Variants in CHD2 observed in about 807,000 individuals in gnomAD.
CHD2 encodes ATP-dependent chromatin remodeler CHD2.
In CHD2, 28 loss-of-function variants were observed where a neutral mutation model predicts 243.9. That is an observed-to-expected ratio of 0.11 (90% CI 0.09 to 0.16). The LOEUF (loss-of-function observed/expected upper bound fraction) is 0.16, where lower values mean the gene tolerates loss of function less well. CHD2 is among the 10% of genes least tolerant of loss of function. The pLI, the probability that CHD2 is intolerant of heterozygous loss-of-function variation, is 1.00. For synonymous variants in CHD2, 775 were observed against 779.0 expected (o/e 0.99, Z 0.09); for missense variants, 1,386 against 2,209.8 (o/e 0.63, Z 7.47).
Position 92,967,367 on chromosome 15 carries a change from G to T in CHD2, c.2043G>T (p.Gly681=). Residue 681 remains glycine (G), a synonymous_variant, in exon 17 of 39, where the codon GGG becomes GGT. Coordinates refer to ENST00000394196, the MANE Select transcript of CHD2 (RefSeq NM_001271.4). ...ATTTTGAAGAAGACCATGGGAAGGGGAGAGAAAATGGCTACCAGAGTCTTC... is the reference window on the plus strand; with the variant it reads ...ATTTTGAAGAAGACCATGGGAAGGGTAGAGAAAATGGCTACCAGAGTCTTC... ...WEDFEEDHGK[G]RENGYQSLHK... 8.1e-6 allele frequency: 13 copies of T among 1,612,802 alleles called. No individual in the cohort carries two copies. The highest frequency in any genetic ancestry group is 1.1e-5 in the Non-Finnish European group (13 of 1,179,086).
intron 38 of CHD2, chr15:93,020,918 G>A (rs906378529): frequency 6.5e-6 from 1 of 153,204 alleles, no homozygotes; most frequent in East Asian, 1.9e-4. Context: ...GGAAGATCTG[G>A]TAACAGCAGC....
rs2053779861 is a variant in CHD2 at position 92,967,416 on chromosome 15, C to T, written c.2092C>T (p.Leu698Phe). The change falls in exon 17 of 39, where the codon CTC becomes TTC. Residue 698 changes from leucine (L) to phenylalanine (F), a missense_variant. Coordinates refer to ENST00000394196, the MANE Select transcript of CHD2 (RefSeq NM_001271.4). ...TCATAAGGTGCTAGAGCCTTTCCTT[C>T]TCCGGAGAGTCAAAAAAGATGTGGA... ...SLHKVLEPFL[L>F]RRVKKDVEKS... 1.2e-6 allele frequency: 2 copies of T among 1,613,834 alleles called. No homozygotes were observed. The highest frequency in any genetic ancestry group is 1.7e-6 in the Non-Finnish European group (2 of 1,179,824).
chr15:92,925,631 G>A (rs1407601262), intron 3 of CHD2, among the ~76,000 whole-genome samples: 7 of 152,124 alleles, frequency 4.6e-5, no homozygotes, highest in Admixed American at 4.6e-4. Flanking sequence ...TGGATAGACA[G>A]GCTAGAGTAA....
intron 26 of CHD2, 35 bp from the exon 27 acceptor site, chr15:92,991,441 G>A (rs749862600): frequency 1.3e-6 from 2 of 1,522,970 alleles, no homozygotes; most frequent in African/African-American, 1.4e-5. Flanking sequence ...GTAAGTCTCT[G>A]TTTTTTTAAT....
chr15:92,927,686 G>A (rs535386287), intron 4 of CHD2, among the ~76,000 whole-genome samples: 9 of 152,230 alleles, frequency 5.9e-5, no homozygotes, highest in Admixed American at 6.5e-5. Flanking sequence ...TATTAAATGG[G>A]TAACTTGTTT....
intron 26 of CHD2, among the ~76,000 whole-genome samples, chr15:92,990,143 G>A (rs1035216905): frequency 6.6e-6 from 1 of 152,200 alleles, no homozygotes; most frequent in Non-Finnish European, 1.5e-5. Context: ...GCCTGAGAAT[G>A]GAGCTTCTTA....
At chr15:92,950,284 T>C (rs2053535985) in intron 13 of CHD2, 1 of 152,254 alleles carries the variant, frequency 6.6e-6, no homozygotes, top group African/African-American at 2.4e-5. Flanking sequence ...AAGAAACTGT[T>C]ATTTCTAACA....
chr15:93,009,380 C>A, intron 35 of CHD2, 57 bp downstream of exon 35: 1 of 1,522,768 alleles, frequency 6.6e-7, no homozygotes, highest in Non-Finnish European at 8.9e-7. Context: ...GGAGTGGATT[C>A]TGTTTTCTTT....
intron 35 of CHD2, 43 bp downstream of exon 35, chr15:93,009,366 T>A (rs1445458025): frequency 1.3e-6 from 2 of 1,567,272 alleles, no homozygotes; most frequent in South Asian, 2.3e-5. Flanking sequence ...TTTGACTGAG[T>A]GTGGGAGTGG....
At position 92,921,527 on chromosome 15, in the gene CHD2, C is replaced by T. The variant is rs530980373; in HGVS notation, c.63-2794C>T. The T allele has an allele frequency of 2.0e-4, 31 of 152,254 alleles. 1 individual carries two copies. Among genetic ancestry groups the T allele is most frequent in the African/African-American group, 7.5e-4 (31 of 41,548 alleles). 9.4% of individuals were successfully genotyped at this position (152,254 alleles called of 1,614,324 possible). On this transcript the variant is annotated intron_variant, in intron 2 of 38. Coordinates refer to ENST00000394196, the MANE Select transcript of CHD2 (RefSeq NM_001271.4). ...ATTAAATAAATCCCTTCCTTACTTA[C>T]AAGGAAATTCTGGAGCTGTCTCTGT...
intron 27 of CHD2, 175 bp downstream of exon 27, chr15:92,991,692 G>A (rs954193427): frequency 2.1e-5 from 10 of 483,948 alleles, no homozygotes; most frequent in Admixed American, 1.2e-4. Context: ...TCTCTCTGCA[G>A]AGGGATGACA....
rs10712520 is a variant in CHD2, at chr15:92,996,160, CTT to C, written c.3596-781_3596-780del. On this transcript the variant is annotated intron_variant, in intron 28 of 38. Transcript: ENST00000394196. Reference sequence around the variant, plus strand: ...TTGAAATTTGGGTTAGGGTAAGTTTCTTTTTTTTTTTTTTTTTGAGATGGAGT... The same window carrying C: ...TTGAAATTTGGGTTAGGGTAAGTTTCTTTTTTTTTTTTTTTGAGATGGAGT... Among the ~76,000 whole-genome samples the C allele has an allele frequency of 9.5e-4, 107 of 112,950 alleles. No homozygotes were observed. In the Middle Eastern group the frequency reaches 0.015, roughly 16 times the overall value. 74.1% of individuals were successfully genotyped at this position (112,950 alleles called of 152,430 possible). A position where few individuals can be genotyped will look rare whatever the true frequency, so the allele number is the denominator to read the frequency against.
chr15:92,956,732 G>A (rs777034219), intron 16 of CHD2, 83 bp downstream of exon 16: 7 of 1,280,560 alleles, frequency 5.5e-6, no homozygotes, highest in Middle Eastern at 2.3e-4. Context: ...AGACCTTAGG[G>A]AAAACAGATG....
intron 37 of CHD2, among the ~76,000 whole-genome samples, chr15:93,017,335 T>TG (rs1049242621): frequency 2.0e-5 from 3 of 151,350 alleles, no homozygotes; most frequent in Admixed American, 2.0e-4. Context: ...TTCTTTCTTT[T>TG]TTTGGGAGAT....
chr15:92,967,242 A>G, intron 16 of CHD2, 83 bp from the exon 17 acceptor site: 1 of 986,046 alleles, frequency 1.0e-6, no homozygotes, highest in Non-Finnish European at 1.5e-6. Flanking sequence ...TCCTTATGGG[A>G]AAGATTCATT....
In CHD2 at chr15:93,011,139, AC is replaced by A. The variant is rs532633824; in HGVS notation, c.4593-1205del. On this transcript the variant is annotated intron_variant, in intron 35 of 38. Transcript: ENST00000394196. ...AGATAGCAAAAGGTCATCCCAGTGA[AC>A]AGACCCATTTTTAAATGTGCCAGGC... Among the ~76,000 whole-genome samples the A allele has an allele frequency of 4.7e-4, 71 of 152,238 alleles. 1 individual carries two copies. In the South Asian group the frequency reaches 0.014, roughly 30 times the overall value.
chr15:92,911,790 A>G (rs1459141839), intron 2 of CHD2, among the ~76,000 whole-genome samples: 2 of 152,174 alleles, frequency 1.3e-5, no homozygotes, highest in Non-Finnish European at 1.5e-5. Flanking sequence ...AAACTAATGT[A>G]TATGAGACTG....
At chr15:92,920,136 A>G (rs1017563907) in intron 2 of CHD2, among the ~76,000 whole-genome samples, 10 of 148,318 alleles carry the variant, frequency 6.7e-5, no homozygotes, top group Non-Finnish European at 1.2e-4. Flanking sequence ...ATATGCTGAC[A>G]GAAAAACGGC....
At chr15:93,001,803 C>T (rs2054260324) in intron 32 of CHD2, among the ~76,000 whole-genome samples, 1 of 152,180 alleles carries the variant, frequency 6.6e-6, no homozygotes, top group Admixed American at 6.5e-5. Flanking sequence ...GAGCATGAGC[C>T]ACTGTGCCTG....
Sources: gnomAD v4.1 joint callset for allele counts (sites outside exome capture counted in the v4.1 genomes callset) on GRCh38, gnomAD v4.1.1 for gene constraint, MANE v1.5 for transcripts, NCBI Gene and HGNC (gene_info 2026-07-23, HGNC 2026-07-21) for gene names.